MACROD2: variants seen among roughly 807,000 people sequenced by gnomAD.
MACROD2 encodes the protein mono-ADP ribosylhydrolase 2, also known as ADP-ribose glycohydrolase MACROD2.
Under a neutral mutation model 70.4 loss-of-function variants are expected in MACROD2, and 36 were observed. That is an observed-to-expected ratio of 0.51 (90% confidence interval 0.39 to 0.68). The LOEUF is 0.68. Among genes scored for constraint, MACROD2 ranks in the 30% least tolerant of loss-of-function variants. The pLI is 0.00. For synonymous variants in MACROD2, 172 were observed against 178.8 expected (o/e 0.96, Z 0.30); for missense variants, 496 against 538.4 (o/e 0.92, Z 0.78).
At chr20:15,366,906 A>G (rs2045417820) in intron 6 of MACROD2, among the ~76,000 whole-genome samples, 2 of 151,936 alleles carry the variant, frequency 1.3e-5, no homozygotes, top group South Asian at 4.2e-4. Flanking sequence ...ATGTTGTCCC[A>G]TCCTTCATAA....
chr20:14,339,389 T>C (rs2082989064), intron 3 of MACROD2, among the ~76,000 whole-genome samples: 5 of 152,326 alleles, frequency 3.3e-5, no homozygotes, highest in Middle Eastern at 3.4e-3. Context: ...TGGATATTTT[T>C]CTGTTACTAT....
At chr20:15,009,893 T>C (rs2075068959) in intron 5 of MACROD2, among the ~76,000 whole-genome samples, 1 of 152,054 alleles carries the variant, frequency 6.6e-6, no homozygotes, top group Non-Finnish European at 1.5e-5. Flanking sequence ...GCTTTTATTC[T>C]CTCTTCTTTC....
At chr20:14,674,486 A>G (rs1295334881) in intron 4 of MACROD2, among the ~76,000 whole-genome samples, 2 of 152,182 alleles carry the variant, frequency 1.3e-5, no homozygotes, top group Non-Finnish European at 2.9e-5. Context: ...CGAAAATCCT[A>G]TAATTTTGAG....
chr20:15,970,839 G>A (rs2066219695), intron 13 of MACROD2, among the ~76,000 whole-genome samples: 1 of 152,148 alleles, frequency 6.6e-6, no homozygotes. Context: ...AGACTGGAAA[G>A]CCTCAACATT....
intron 5 of MACROD2, among the ~76,000 whole-genome samples, chr20:15,021,121 C>CGT (rs1555774651): frequency 2.9e-5 from 3 of 102,140 alleles, no homozygotes; most frequent in African/African-American, 1.3e-4. Flanking sequence ...TGTGTATACA[C>CGT]GTGTGTATAC....
At chr20:14,866,467 T>C (rs910483720) in intron 5 of MACROD2, among the ~76,000 whole-genome samples, 1 of 152,098 alleles carries the variant, frequency 6.6e-6, no homozygotes, top group South Asian at 2.1e-4. Context: ...ATGCTATAGA[T>C]GATGATTTTT....
At chr20:14,202,903 C>T (rs1322136243) in intron 3 of MACROD2, among the ~76,000 whole-genome samples, 6 of 152,014 alleles carry the variant, frequency 3.9e-5, no homozygotes, top group African/African-American at 1.5e-4. Context: ...ACAAAATTAC[C>T]CGGATGTGGT....
chr20:14,616,995 A>G (rs1983521478), intron 4 of MACROD2, among the ~76,000 whole-genome samples: 1 of 152,156 alleles, frequency 6.6e-6, no homozygotes, highest in African/African-American at 2.4e-5. Context: ...TTGCTTTGCA[A>G]AGAAATTTCA....
intron 3 of MACROD2, among the ~76,000 whole-genome samples, chr20:14,190,210 T>C (rs2081373626): frequency 1.3e-5 from 2 of 152,204 alleles, no homozygotes; most frequent in Non-Finnish European, 2.9e-5. Context: ...AGTTTGGTGA[T>C]GGTTTCTAAG....
intron 8 of MACROD2, among the ~76,000 whole-genome samples, chr20:15,857,405 C>T (rs2064369354): frequency 6.6e-6 from 1 of 152,220 alleles, no homozygotes; most frequent in Non-Finnish European, 1.5e-5. Context: ...CTGTCTCTCA[C>T]TGATTGGAAC....
At chr20:15,498,310 A>T (rs2047323331) in intron 7 of MACROD2, among the ~76,000 whole-genome samples, 1 of 152,168 alleles carries the variant, frequency 6.6e-6, no homozygotes, top group African/African-American at 2.4e-5. Context: ...GATCTGAACC[A>T]TCAGTTTGAA....
chr20:15,532,951 A>G (rs556038971), intron 8 of MACROD2, among the ~76,000 whole-genome samples: 1 of 152,320 alleles, frequency 6.6e-6, no homozygotes, highest in East Asian at 1.9e-4. Context: ...TTCCTGGACA[A>G]TAATTATGTA....
intron 3 of MACROD2, among the ~76,000 whole-genome samples, chr20:14,427,987 A>T (rs181719289): frequency 6.6e-6 from 1 of 152,300 alleles, no homozygotes; most frequent in African/African-American, 2.4e-5. Context: ...TAACCTTATC[A>T]TAATTTCTAC....
intron 4 of MACROD2, among the ~76,000 whole-genome samples, chr20:14,512,345 T>C (rs200446444): frequency 5.2e-4 from 3 of 5,736 alleles, no homozygotes; most frequent in Non-Finnish European, 8.4e-4. Context: ...GAGTTTCCCC[T>C]GTGGAGGAAT....
intron 8 of MACROD2, among the ~76,000 whole-genome samples, chr20:15,693,866 CT>C (rs1361695242): frequency 1.4e-5 from 2 of 140,074 alleles, no homozygotes; most frequent in East Asian, 2.5e-4. Context: ...CCTTGCCCCC[CT>C]CTCTCTCTTC....
intron 6 of MACROD2, among the ~76,000 whole-genome samples, chr20:15,373,559 C>T (rs940747264): frequency 2.6e-5 from 4 of 152,062 alleles, no homozygotes; most frequent in African/African-American, 7.2e-5. Flanking sequence ...CATGTCACTG[C>T]ACTTAGTTAG....
intron 8 of MACROD2, among the ~76,000 whole-genome samples, chr20:15,531,388 G>A (rs2047799388): frequency 6.6e-6 from 1 of 151,068 alleles, no homozygotes; most frequent in Non-Finnish European, 1.5e-5. Flanking sequence ...TTCTCCTCCA[G>A]CTTATTATTA....
intron 5 of MACROD2, among the ~76,000 whole-genome samples, chr20:14,779,100 T>C (rs1435802494): frequency 6.6e-6 from 1 of 152,056 alleles, no homozygotes; most frequent in East Asian, 1.9e-4. Context: ...TGGGCCAGAT[T>C]TGGGGTGGGA....
chr20:15,077,976 G>A (rs1018420753), intron 5 of MACROD2, among the ~76,000 whole-genome samples: 1 of 152,122 alleles, frequency 6.6e-6, no homozygotes, highest in Non-Finnish European at 1.5e-5. Flanking sequence ...ACTCAATGCG[G>A]GGAAAGGGCC....
Sources: gnomAD v4.1 joint callset for allele counts (sites outside exome capture counted in the v4.1 genomes callset) on GRCh38, gnomAD v4.1.1 for gene constraint, MANE v1.5 for transcripts, NCBI Gene and HGNC (gene_info 2026-07-23, HGNC 2026-07-21) for gene names.